P3H2: variants seen among roughly 807,000 people sequenced by gnomAD.
P3H2 encodes the protein leprecan-like 1.
P3H2 carries 80 observed loss-of-function variants against 87.0 expected under a neutral mutation model. The ratio of observed to expected loss-of-function variants is 0.92; its 90% CI spans 0.77 to 1.11. The LOEUF (loss-of-function observed/expected upper bound fraction) is 1.11, where lower values mean the gene tolerates loss of function less well. P3H2 is among the 50% of genes least tolerant of loss of function. The probability of loss-of-function intolerance (pLI) is 0.00; values close to 1 mark genes in which losing one functional copy is unlikely to be tolerated. For synonymous variants in P3H2, 367 were observed against 359.3 expected (o/e 1.02, Z -0.24); for missense variants, 1,001 against 923.9 (o/e 1.08, Z -1.08).
chr3:189,997,276 A>G (rs710562), intron 1 of P3H2, among the ~76,000 whole-genome samples: 73,827 of 152,010 alleles, frequency 0.49, 17,982 homozygotes, highest in African/African-American at 0.52. Context: ...CACTTCACAT[A>G]TTTACATATG....
intron 1 of P3H2, among the ~76,000 whole-genome samples, chr3:190,035,934 C>G (rs1022237050): frequency 2.0e-5 from 3 of 152,138 alleles, no homozygotes; most frequent in Non-Finnish European, 4.4e-5. Flanking sequence ...TGTTAAGTTA[C>G]TTAGTTTAAA....
At chr3:190,048,457 A>C (rs1232266918) in intron 1 of P3H2, among the ~76,000 whole-genome samples, 1 of 152,192 alleles carries the variant, frequency 6.6e-6, no homozygotes, top group African/African-American at 2.4e-5. Flanking sequence ...AGATCACACC[A>C]CTGCACTCCA....
At chr3:190,071,652 A>C (rs1726701269) in intron 1 of P3H2, among the ~76,000 whole-genome samples, 1 of 152,198 alleles carries the variant, frequency 6.6e-6, no homozygotes, top group African/African-American at 2.4e-5. Context: ...CTAGGCACAT[A>C]CATATTGAAA....
At chr3:190,056,692 A>G (rs868542212) in intron 1 of P3H2, among the ~76,000 whole-genome samples, 1 of 152,218 alleles carries the variant, frequency 6.6e-6, no homozygotes, top group Non-Finnish European at 1.5e-5. Flanking sequence ...GAGGCTGGAT[A>G]GCTCAGTCAG....
At chr3:190,027,578 T>C (rs1391279075) in intron 1 of P3H2, among the ~76,000 whole-genome samples, 1 of 151,686 alleles carries the variant, frequency 6.6e-6, no homozygotes, top group Non-Finnish European at 1.5e-5. Flanking sequence ...TAAAATAAAG[T>C]AGATATTTAG....
At chr3:190,060,230 A>T (rs1726292232) in intron 1 of P3H2, among the ~76,000 whole-genome samples, 1 of 152,168 alleles carries the variant, frequency 6.6e-6, no homozygotes. Context: ...AAAAAAAAAT[A>T]GTAGTCACAG....
chr3:190,061,364 G>C (rs1162304523), intron 1 of P3H2, among the ~76,000 whole-genome samples: 1 of 152,002 alleles, frequency 6.6e-6, no homozygotes, highest in African/African-American at 2.4e-5. Flanking sequence ...AGGAGCTATG[G>C]GTGGATTTTA....
Position 190,063,039 on chromosome 3 carries a change from A to C in P3H2, c.480+57213T>G, listed in dbSNP as rs140462694. ...TTTAATCAATCAGAGAAGTTATATA[A>C]AGCTATTCTTCTATTAAGCCAGTGT... On this transcript the variant is annotated intron_variant, in intron 1 of 14. Transcript: ENST00000319332. Among the ~76,000 whole-genome samples the C allele has an allele frequency of 1.9e-4, 29 of 152,248 alleles. No individual in the cohort carries two copies. The East Asian group carries it at 5.6e-3, about 29-fold the overall frequency.
rs565026456 is a variant in P3H2, at chr3:189,988,899, C to T, written c.955+8G>A. On this transcript the variant is annotated splice_region_variant and intron_variant, in intron 4 of 14. Coordinates refer to ENST00000319332, the MANE Select transcript of P3H2 (RefSeq NM_018192.4). ...CCAAGAAGTCTTCACGGATGATCCACGCTTTACCTCGATAGTAGGCAAACT... is the reference window on the plus strand; with the variant it reads ...CCAAGAAGTCTTCACGGATGATCCATGCTTTACCTCGATAGTAGGCAAACT... 49 of 1,613,994 alleles carry T rather than the reference C, an allele frequency of 3.0e-5. No homozygotes were observed. Among genetic ancestry groups the T allele is most frequent in the South Asian group, 7.7e-5 (7 of 91,066 alleles).
chr3:190,095,285 AG>A, intron 1 of P3H2, among the ~76,000 whole-genome samples: 1 of 135,498 alleles, frequency 7.4e-6, no homozygotes, highest in Non-Finnish European at 1.6e-5. Context: ...CATGTCTCAA[AG>A]ACAAATTGTC....
At chr3:190,118,136 C>T (rs1035032281) in intron 1 of P3H2, among the ~76,000 whole-genome samples, 9 of 152,002 alleles carry the variant, frequency 5.9e-5, no homozygotes, top group Non-Finnish European at 1.0e-4. Flanking sequence ...ACCAGGGAAC[C>T]GGAGGGGAAA....
At chr3:190,019,564 C>CACCTAG (rs1350613662) in intron 1 of P3H2, among the ~76,000 whole-genome samples, 2 of 135,810 alleles carry the variant, frequency 1.5e-5, no homozygotes, top group Admixed American at 7.5e-5. Flanking sequence ...TGCTCATTAT[C>CACCTAG]GTTTCTATTA....
chr3:190,021,247 GT>G (rs1724920725), intron 1 of P3H2, among the ~76,000 whole-genome samples: 1 of 135,020 alleles, frequency 7.4e-6, no homozygotes, highest in African/African-American at 2.6e-5. Flanking sequence ...TTATGCAGAT[GT>G]TTTAGTCTGG....
chr3:189,976,374 AAAG>A (rs1252333939), intron 8 of P3H2, among the ~76,000 whole-genome samples: 3 of 152,338 alleles, frequency 2.0e-5, no homozygotes, highest in South Asian at 2.1e-4. Context: ...GGTGGAAGGC[AAAG>A]AAGGAGAAAG....
intron 1 of P3H2, among the ~76,000 whole-genome samples, chr3:190,071,978 G>GTTTTTTT (rs60227697): frequency 5.0e-5 from 6 of 119,216 alleles, no homozygotes; most frequent in African/African-American, 2.0e-4. Flanking sequence ...AAGATGAAGG[G>GTTTTTTT]TTTTTTTTTT....
rs724160006 is a variant in P3H2, at chr3:189,995,367, G to A, written c.556C>T (p.Gln186Ter). 1 of 1,613,978 alleles carries A rather than the reference G, an allele frequency of 6.2e-7. No individual in the cohort carries two copies. The highest frequency in any genetic ancestry group is 8.5e-7 in the Non-Finnish European group (1 of 1,179,974). The change falls in exon 2 of 15, where the codon CAG becomes TAG. Residue 186 changes from glutamine to a stop codon, truncating the protein, a stop_gained. Coordinates refer to ENST00000319332, the MANE Select transcript of P3H2 (RefSeq NM_018192.4). LOFTEE classifies it high-confidence loss of function. ...GTCGCCCTGTAATTCTCAATGTTCT[G>A]CTGCATTTCCATGTGCTCAGGGTTA... ...VANPEHMEMQ[Q>*]NIENYRATAG...
At chr3:189,999,550 A>G (rs909109783) in intron 1 of P3H2, among the ~76,000 whole-genome samples, 3 of 152,200 alleles carry the variant, frequency 2.0e-5, no homozygotes, top group Admixed American at 6.5e-5. Context: ...AGGCATAGTC[A>G]GTACTAGGTT....
chr3:190,089,775 T>C (rs1727349819), intron 1 of P3H2, among the ~76,000 whole-genome samples: 1 of 152,134 alleles, frequency 6.6e-6, no homozygotes, highest in South Asian at 2.1e-4. Context: ...ATAATATGGG[T>C]AGGACAAGAT....
intron 1 of P3H2, among the ~76,000 whole-genome samples, chr3:190,087,278 T>A (rs1228257927): frequency 6.6e-6 from 1 of 152,148 alleles, no homozygotes; most frequent in Admixed American, 6.5e-5. Context: ...GGCTCACGCC[T>A]GTAATCCCAG....
Sources: allele counts gnomAD v4.1 joint callset (sites outside exome capture counted in the v4.1 genomes callset), GRCh38; gene constraint gnomAD v4.1.1; transcripts MANE v1.5; gene names NCBI Gene and HGNC (gene_info 2026-07-23, HGNC 2026-07-21).